The following PLD2 variants were observed in gnomAD, a reference collection of about 807,000 sequenced individuals.
PLD2 encodes phospholipase D2, also known as choline phosphatase 2.
A neutral mutation model predicts 119.8 loss-of-function variants in PLD2; 101 were observed. The ratio of observed to expected loss-of-function variants is 0.84; its 90% CI spans 0.72 to 0.99. The LOEUF (loss-of-function observed/expected upper bound fraction) is 0.99. Ranked by LOEUF, PLD2 falls within the 50% of genes least tolerant of loss-of-function variation. PLD2 has a pLI of 0.00. For synonymous variants in PLD2, 494 were observed against 482.8 expected (o/e 1.02, Z -0.30); for missense variants, 1,164 against 1,226.8 (o/e 0.95, Z 0.76).
Position 4,809,742 on chromosome 17 carries a change from C to T in PLD2, c.666C>T (p.Thr222=), listed in dbSNP as rs762694431. The change falls in exon 8 of 25, where the codon ACC becomes ACT. Residue 222 remains threonine, a synonymous_variant. Coordinates refer to ENST00000263088, the MANE Select transcript of PLD2 (RefSeq NM_002663.5). ...GTGGCCACCGTGTTCCTGGCCTCAC[C>T]TGCTGTGGCCGAGACCAAGTTTGTT... ...RSGGHRVPGL[T]CCGRDQVCYR... is the part of the protein sequence containing the mutation. The T allele has an allele frequency of 6.4e-5, 103 of 1,614,084 alleles. No individual in the cohort carries two copies. The highest frequency in any genetic ancestry group is 8.1e-5 in the Non-Finnish European group (96 of 1,180,048).
chr17:4,814,253 T>C (rs1210913558), intron 10 of PLD2, 165 bp from the exon 11 acceptor site: 1 of 1,068,590 alleles, frequency 9.4e-7, no homozygotes, highest in Non-Finnish European at 1.3e-6. Context: ...TTAGCGCATA[T>C]GGGCAAACAC....
At chr17:4,820,808 C>T (rs2150681526) in intron 23 of PLD2, among the ~76,000 whole-genome samples, 2 of 147,088 alleles carry the variant, frequency 1.4e-5, no homozygotes, top group East Asian at 4.1e-4. Flanking sequence ...GATCTCTTGA[C>T]CTCGTGATCT....
At chr17:4,817,307 T>A in intron 17 of PLD2, 48 bp downstream of exon 17, 2 of 1,199,810 alleles carry the variant, frequency 1.7e-6, no homozygotes, top group Non-Finnish European at 2.5e-6. Context: ...TCCTTCAGCC[T>A]AACACCCCAA....
rs939385273 is a variant in PLD2, at chr17:4,808,455, C to T, written c.383+39C>T. Reference sequence around the variant, plus strand: ...GACTGCTTCCTGTAGAGGGCAGGTGCTCCCCACCCTCCTTTCTGTCTGTCT... The same window carrying T: ...GACTGCTTCCTGTAGAGGGCAGGTGTTCCCCACCCTCCTTTCTGTCTGTCT... On this transcript the variant is annotated intron_variant, in intron 4 of 24. Transcript: ENST00000263088. This position sits in a 1 kb window ranked among gnomAD's most constrained non-coding sequence, Gnocchi z 4.1. 1 of 1,592,560 alleles carries T rather than the reference C, an allele frequency of 6.3e-7. No homozygotes were observed. The highest frequency in any genetic ancestry group is 2.2e-5 in the East Asian group (1 of 44,682).
chr17:4,807,811 C>T lies in PLD2; in HGVS notation c.39C>T (p.Asp13=). 1 of 1,611,838 alleles carries T rather than the reference C, an allele frequency of 6.2e-7. No homozygotes were observed. Among genetic ancestry groups the T allele is most frequent in the African/African-American group, 1.3e-5 (1 of 74,944 alleles). Residue 13 remains aspartate, a synonymous_variant, in exon 2 of 25, where the codon GAC becomes GAT. Transcript: ENST00000263088. The surrounding 1 kb of genome is among the most constrained non-coding windows in gnomAD (Gnocchi z 5.4). ...CTGAGAGCCTCTTCCCCACTGGGGA[C>T]GAACTGGACTCCAGCCAGCTCCAGA... ...ATPESLFPTG[D]ELDSSQLQME...
chr17:4,821,963 T>TAC, intron 24 of PLD2, 56 bp downstream of exon 24: 1 of 1,122,706 alleles, frequency 8.9e-7, no homozygotes, highest in Non-Finnish European at 1.4e-6. Context: ...TGGATTATCC[T>TAC]GCTCAGGGTA....
In PLD2 at chr17:4,807,927, G is replaced by A. The variant is rs1906036636; in HGVS notation, c.109+46G>A. On this transcript the variant is annotated intron_variant, in intron 2 of 24. Transcript: ENST00000263088. This position sits in a 1 kb window ranked among gnomAD's most constrained non-coding sequence, Gnocchi z 5.4. Reference sequence around the variant, plus strand: ...GCCCTCAGGGAGGAGAGGCGTTCGGGAGCCAGGGGGCTGGGGCCTGTTGTG... The same window carrying A: ...GCCCTCAGGGAGGAGAGGCGTTCGGAAGCCAGGGGGCTGGGGCCTGTTGTG... 2 of 1,607,194 alleles carry A rather than the reference G, an allele frequency of 1.2e-6. No individual in the cohort carries two copies. Among genetic ancestry groups the A allele is most frequent in the East Asian group, 2.2e-5 (1 of 44,646 alleles).
intron 10 of PLD2, chr17:4,814,188 C>A: frequency 2.0e-6 from 1 of 510,388 alleles, no homozygotes; most frequent in African/African-American, 2.0e-5. Context: ...TGTATTAATC[C>A]TCCTGTTCTT....
In PLD2 at chr17:4,816,955, C is replaced by G. The variant is rs375708016; in HGVS notation, c.1601C>G (p.Thr534Arg). 1 of 1,613,214 alleles carries G rather than the reference C, an allele frequency of 6.2e-7. No individual in the cohort carries two copies. Among genetic ancestry groups the G allele is most frequent in the African/African-American group, 1.3e-5 (1 of 75,054 alleles). ...CCCCCAGATTTCATTGACAGGGAGA[C>G]GACCCCTCGGATGCCATGGCGGGAC... Reference protein sequence around the residue: ...RPFEDFIDRETTPRMPWRDVG... With the variant: ...RPFEDFIDRERTPRMPWRDVG... Residue 534 changes from threonine to arginine, a missense_variant, in exon 16 of 25, where the codon ACG becomes AGG. Transcript: ENST00000263088.
chr17:4,817,048 TCAC>T lies in PLD2; in HGVS notation c.1697_1699del (p.Thr566del). On this transcript the variant is annotated inframe_deletion, in exon 16 of 25. Transcript: ENST00000263088. ...CGGCACTTCATCCAGCGCTGGAACTTCACCAAGGTGTTCATTCCCTCCGATAGG... is the reference window on the plus strand; with the variant it reads ...CGGCACTTCATCCAGCGCTGGAACTTCAAGGTGTTCATTCCCTCCGATAGG... The T allele has an allele frequency of 6.2e-7, 1 of 1,613,398 alleles. No homozygotes were observed. Among genetic ancestry groups the T allele is most frequent in the Non-Finnish European group, 8.5e-7 (1 of 1,179,432 alleles).
chr17:4,813,091 T>A (rs1906636775), intron 10 of PLD2, among the ~76,000 whole-genome samples: 1 of 152,062 alleles, frequency 6.6e-6, no homozygotes, highest in South Asian at 2.1e-4. Context: ...CTCACTGCAG[T>A]CTCTGCCCCC....
chr17:4,820,795 C>T (rs1156494262), intron 23 of PLD2, among the ~76,000 whole-genome samples: 2 of 149,446 alleles, frequency 1.3e-5, no homozygotes, highest in Non-Finnish European at 3.0e-5. Context: ...CCAGGATGGT[C>T]TAGATCTCTT....
chr17:4,821,676 T>G, intron 23 of PLD2, 117 bp from the exon 24 acceptor site: 6 of 701,454 alleles, frequency 8.6e-6, no homozygotes, highest in Non-Finnish European at 1.5e-5. Flanking sequence ...AATACAGGCG[T>G]GAGCCACCGC....
chr17:4,809,184 C>T lies in PLD2; in HGVS notation c.468C>T (p.Thr156=), dbSNP rs200582252. ...SLPRAGPEGS[T]RHAASKQKYL... is the part of the protein sequence containing the mutation. ...CCCGGGCAGGTCCTGAGGGCTCCAC[C>T]AGACATGCAGCCAGCAAACAGGTGG... is the stretch of plus-strand genomic sequence containing the variant. The change falls in exon 5 of 25, where the codon ACC becomes ACT. Residue 156 remains threonine (T), a synonymous_variant. Transcript: ENST00000263088. The T allele has an allele frequency of 6.2e-6, 10 of 1,614,158 alleles. No individual in the cohort carries two copies. In the African/African-American group the frequency reaches 1.2e-4, roughly 19 times the overall value.
At chr17:4,812,582 T>C (rs1351962100) in intron 10 of PLD2, among the ~76,000 whole-genome samples, 2 of 152,022 alleles carry the variant, frequency 1.3e-5, no homozygotes, top group Admixed American at 6.6e-5. Flanking sequence ...CTTGAGCCAC[T>C]GCACCTGGCT....
rs766085896 is a variant in PLD2, at chr17:4,808,158, G to A, written c.240+44G>A. The A allele has an allele frequency of 6.3e-6, 10 of 1,595,130 alleles. No individual in the cohort carries two copies. The Admixed American group carries it at 1.7e-4, about 27-fold the overall frequency. On this transcript the variant is annotated intron_variant, in intron 3 of 24. Transcript: ENST00000263088. This position sits in a 1 kb window ranked among gnomAD's most constrained non-coding sequence, Gnocchi z 4.1. ...GGGAGGGGGAAAGGGAGGGCGGCCC[G>A]GAATGGATCCAAGGTGGCTGGGCTG...
intron 10 of PLD2, chr17:4,814,215 T>G: frequency 1.6e-6 from 1 of 636,086 alleles, no homozygotes. Context: ...ATTAGGTTAT[T>G]GTGTCTTTTT....
intron 11 of PLD2, 62 bp from the exon 12 acceptor site, chr17:4,814,571 A>C: frequency 6.2e-7 from 1 of 1,612,964 alleles, no homozygotes. Context: ...TAGGAGGAGA[A>C]GGGGGGTGCA....
At chr17:4,813,432 A>G (rs1840812458) in intron 10 of PLD2, among the ~76,000 whole-genome samples, 1 of 152,238 alleles carries the variant, frequency 6.6e-6, no homozygotes, top group Non-Finnish European at 1.5e-5. Context: ...AGACACTTAT[A>G]TTATTTCCCA....
Sources: gnomAD v4.1 joint callset for allele counts (sites outside exome capture counted in the v4.1 genomes callset) on GRCh38, gnomAD v4.1.1 for gene constraint, Gnocchi (gnomAD v3.1) non-coding constraint, MANE v1.5 for transcripts, NCBI Gene and HGNC (gene_info 2026-07-23, HGNC 2026-07-21) for gene names.